The following ACBD5 variants were observed in gnomAD, a reference collection of about 807,000 sequenced individuals.
ACBD5 encodes the protein acyl-CoA-binding domain-containing protein 5.
Under a neutral mutation model 71.8 loss-of-function variants are expected in ACBD5, and 40 were observed. The observed-to-expected ratio is 0.56, with a 90% CI of 0.43 to 0.72. The LOEUF is 0.72. Among genes scored for constraint, ACBD5 ranks in the 30% least tolerant of loss-of-function variants. The pLI, the probability that ACBD5 is intolerant of heterozygous loss-of-function variation, is 0.00. For missense variants in ACBD5, 559 were observed against 644.5 expected, an observed-to-expected ratio of 0.87 and a Z score of 1.44; for synonymous variants, 229 against 218.6, an observed-to-expected ratio of 1.05 and a Z score of -0.42.
chr10:27,222,739 T>C (rs1453053236), intron 5 of ACBD5, among the ~76,000 whole-genome samples: 1 of 149,648 alleles, frequency 6.7e-6, no homozygotes, highest in Non-Finnish European at 1.5e-5. Context: ...CCTGGCTAAT[T>C]TTTGTGTTTT....
At chr10:27,239,612 T>TAAAG (rs55652052) in intron 2 of ACBD5, among the ~76,000 whole-genome samples, 117,707 of 151,842 alleles carry the variant, frequency 0.78, 45,866 homozygotes, top group African/African-American at 0.86. Flanking sequence ...TTTATTAAAA[T>TAAAG]AGAAATTACT....
At position 27,240,572 on chromosome 10, in the gene ACBD5, C is replaced by T. The variant is rs983666327; in HGVS notation, c.16-88G>A. ...CGGGTCAGTTCCCCTTTGCCCTGCCCTATCCAGGCCACACAGATCGAAGCG... is the reference window on the plus strand; with the variant it reads ...CGGGTCAGTTCCCCTTTGCCCTGCCTTATCCAGGCCACACAGATCGAAGCG... On this transcript the variant is annotated intron_variant, in intron 1 of 12. Coordinates refer to ENST00000396271, the MANE Select transcript of ACBD5 (RefSeq NM_145698.5). This position sits in a 1 kb window ranked among gnomAD's most constrained non-coding sequence, Gnocchi z 4.1. 2.9e-5 allele frequency: 45 copies of T among 1,551,138 alleles called. No individual in the cohort carries two copies. The highest frequency in any genetic ancestry group is 3.7e-5 in the Non-Finnish European group (43 of 1,146,902).
At position 27,235,244 on chromosome 10, in the gene ACBD5, C is replaced by T. The variant is rs567629536; in HGVS notation, c.182-32G>A. On this transcript the variant is annotated intron_variant, in intron 2 of 12. Coordinates refer to ENST00000396271, the MANE Select transcript of ACBD5 (RefSeq NM_145698.5). Reference sequence around the variant, plus strand: ...GAAACACACATTAAATACAAATCACCTGGGGAATACAACTGATAATCAGGT... The same window carrying T: ...GAAACACACATTAAATACAAATCACTTGGGGAATACAACTGATAATCAGGT... 7 of 1,612,806 alleles carry T rather than the reference C, an allele frequency of 4.3e-6. No individual in the cohort carries two copies. The African/African-American group carries it at 9.3e-5, about 22-fold the overall frequency.
intron 9 of ACBD5, 68 bp downstream of exon 9, chr10:27,210,746 C>T (rs968684899): frequency 1.3e-5 from 21 of 1,605,424 alleles, no homozygotes; most frequent in Admixed American, 5.0e-5. Flanking sequence ...CGACAGAGCG[C>T]GAGACTCCAT....
rs1432661038 is a variant in ACBD5 at position 27,196,461 on chromosome 10, A to G, written c.*969T>C. 1 of 454,536 alleles carries G rather than the reference A, an allele frequency of 2.2e-6. No homozygotes were observed. Among genetic ancestry groups the G allele is most frequent in the Non-Finnish European group, 4.4e-6 (1 of 226,788 alleles). 28.2% of individuals were successfully genotyped at this position (454,536 alleles called of 1,614,324 possible). ...GTACTCCTGTGAAGTAGGTGTATCTAAAATAGTATACCCCGAAGGAAAAAC... is the reference window on the plus strand; with the variant it reads ...GTACTCCTGTGAAGTAGGTGTATCTGAAATAGTATACCCCGAAGGAAAAAC... On this transcript the variant is annotated 3_prime_UTR_variant, in exon 13 of 13. Coordinates refer to ENST00000396271, the MANE Select transcript of ACBD5 (RefSeq NM_145698.5).
At chr10:27,224,753 G>A (rs7907326) in intron 4 of ACBD5, among the ~76,000 whole-genome samples, 10,464 of 152,192 alleles carry the variant, frequency 0.069, 684 homozygotes, top group African/African-American at 0.17. Flanking sequence ...AACAGGGGCC[G>A]GGCGTGGTGG....
At chr10:27,230,098 T>TAAAAAAAAAAAAAA (rs11375772) in intron 4 of ACBD5, among the ~76,000 whole-genome samples, 1 of 143,974 alleles carries the variant, frequency 6.9e-6, no homozygotes, top group African/African-American at 2.5e-5. Flanking sequence ...AAATTTAAGG[T>TAAAAAAAAAAAAAA]AAAAAAAAAA....
At chr10:27,228,880 G>A (rs1156915479) in intron 4 of ACBD5, among the ~76,000 whole-genome samples, 3 of 135,438 alleles carry the variant, frequency 2.2e-5, no homozygotes, top group East Asian at 4.5e-4. Context: ...GTGCAGCGGC[G>A]CAATCTCGGC....
Position 27,195,352 on chromosome 10 carries a change from C to T in ACBD5, c.*2078G>A. The T allele has an allele frequency of 2.2e-6, 1 of 454,072 alleles. No individual in the cohort carries two copies. The highest frequency in any genetic ancestry group is 1.6e-5 in the South Asian group (1 of 64,340). 28.1% of individuals were successfully genotyped at this position (454,072 alleles called of 1,614,324 possible). A position where few individuals can be genotyped will look rare whatever the true frequency, so the allele number is the denominator to read the frequency against. On this transcript the variant is annotated 3_prime_UTR_variant, in exon 13 of 13. Coordinates refer to ENST00000396271, the MANE Select transcript of ACBD5 (RefSeq NM_145698.5). ...GCAGGAACACTATATCCTATAATTA[C>T]ATCTTTACTTTTATATACAAGAACT... is the stretch of plus-strand genomic sequence containing the variant.
chr10:27,221,072 A>C (rs772430914), intron 5 of ACBD5, among the ~76,000 whole-genome samples: 10 of 152,234 alleles, frequency 6.6e-5, no homozygotes, highest in Non-Finnish European at 1.3e-4. Context: ...AAATAACCTA[A>C]ATGTCCACCA....
intron 3 of ACBD5, 72 bp downstream of exon 3, chr10:27,235,020 C>A (rs2064460526): frequency 6.9e-7 from 1 of 1,454,776 alleles, no homozygotes; most frequent in Non-Finnish European, 9.6e-7. Flanking sequence ...TATATAACCA[C>A]TTAAGTAATA....
intron 2 of ACBD5, among the ~76,000 whole-genome samples, chr10:27,238,585 C>T (rs2065060803): frequency 1.3e-5 from 2 of 152,030 alleles, no homozygotes; most frequent in African/African-American, 4.8e-5. Flanking sequence ...TCTTATCTTT[C>T]AGTCCCCCAT....
chr10:27,197,911 G>A (rs972417454), intron 12 of ACBD5, among the ~76,000 whole-genome samples: 1 of 152,172 alleles, frequency 6.6e-6, no homozygotes, highest in African/African-American at 2.4e-5. Context: ...GATTACAGGC[G>A]TTAGCTATGG....
chr10:27,190,795 G>T (rs147187476), downstream of ACBD5, among the ~76,000 whole-genome samples: 1 of 152,178 alleles, frequency 6.6e-6, no homozygotes, highest in African/African-American at 2.4e-5. Context: ...AGCCCACCTG[G>T]ATTCAAGACA....
intron 10 of ACBD5, among the ~76,000 whole-genome samples, chr10:27,207,341 A>G (rs1052904493): frequency 9.9e-5 from 15 of 151,972 alleles, no homozygotes; most frequent in African/African-American, 3.6e-4. Flanking sequence ...GTGGAGATAC[A>G]TATAATTTTT....
downstream of ACBD5, among the ~76,000 whole-genome samples, chr10:27,192,524 C>T (rs1222728404): frequency 6.6e-6 from 1 of 151,998 alleles, no homozygotes; most frequent in Non-Finnish European, 1.5e-5. Context: ...GCTGGGTGTT[C>T]CATTTAGCAG....
chr10:27,231,016 A>T (rs758817124), intron 4 of ACBD5, among the ~76,000 whole-genome samples: 1 of 152,306 alleles, frequency 6.6e-6, no homozygotes, highest in Non-Finnish European at 1.5e-5. Flanking sequence ...ACAACAGTCC[A>T]GGGAAAAGAA....
chr10:27,214,800 T>A (rs970346188), intron 8 of ACBD5, among the ~76,000 whole-genome samples: 2 of 152,124 alleles, frequency 1.3e-5, no homozygotes, highest in Non-Finnish European at 2.9e-5. Context: ...AATCCCGGCA[T>A]TTTGGGAGGC....
intron 8 of ACBD5, among the ~76,000 whole-genome samples, chr10:27,212,283 AG>A (rs2061171767): frequency 6.6e-6 from 1 of 152,198 alleles, no homozygotes; most frequent in Admixed American, 6.6e-5. Context: ...CAGGAGGTGG[AG>A]GTTGCAGTGA....
Sources: gnomAD v4.1 joint callset for allele counts (sites outside exome capture counted in the v4.1 genomes callset) on GRCh38, gnomAD v4.1.1 for gene constraint, Gnocchi (gnomAD v3.1) non-coding constraint, MANE v1.5 for transcripts, NCBI Gene and HGNC (gene_info 2026-07-23, HGNC 2026-07-21) for gene names.